ANTXR2: variants seen among roughly 807,000 people sequenced by gnomAD.
The protein encoded by ANTXR2 is anthrax toxin receptor 2.
In ANTXR2, 44 loss-of-function variants were observed where a neutral mutation model predicts 73.7. The ratio of observed to expected loss-of-function variants is 0.60; its 90% CI spans 0.47 to 0.77. The LOEUF is 0.77. ANTXR2 is among the 30% of genes least tolerant of loss of function. The probability of loss-of-function intolerance (pLI) is 0.00; values close to 1 mark genes in which losing one functional copy is unlikely to be tolerated. For synonymous variants in ANTXR2, 217 were observed against 205.9 expected, an observed-to-expected ratio of 1.05 and a Z score of -0.46; for missense variants, 604 against 592.5, an observed-to-expected ratio of 1.02 and a Z score of -0.20.
At chr4:79,917,659 T>C (rs1303518790) in intron 16 of ANTXR2, among the ~76,000 whole-genome samples, 2 of 152,220 alleles carry the variant, frequency 1.3e-5, no homozygotes, top group East Asian at 3.9e-4. Context: ...CTCAAATTCA[T>C]GAAAGCTACT....
chr4:80,029,453 T>G (rs952577514), intron 10 of ANTXR2, among the ~76,000 whole-genome samples: 1 of 152,084 alleles, frequency 6.6e-6, no homozygotes, highest in African/African-American at 2.4e-5. Context: ...CAGATCGTTA[T>G]GTTAACTGGT....
Position 79,905,886 on chromosome 4 carries a change from A to G in ANTXR2, c.*1543T>C, listed in dbSNP as rs1726885460. ...TGAAATGTTCGCCTTCTCCCTTCCA[A>G]TGTGATGGTTGTTGAACTTATTTTT... On this transcript the variant is annotated 3_prime_UTR_variant, in exon 17 of 17. Coordinates refer to ENST00000403729, the MANE Select transcript of ANTXR2 (RefSeq NM_058172.6). 1 of 152,394 alleles carries G rather than the reference A, an allele frequency of 6.6e-6. No homozygotes were observed. The highest frequency in any genetic ancestry group is 2.1e-4 in the South Asian group (1 of 4,810). The allele number at this position is 152,394 out of a possible 1,614,324, so 9.4% of individuals were successfully genotyped here.
intron 12 of ANTXR2, among the ~76,000 whole-genome samples, chr4:80,005,676 T>G (rs575237219): frequency 8.9e-4 from 136 of 152,256 alleles, no homozygotes; most frequent in South Asian, 8.9e-3. Context: ...GTCTATACTT[T>G]GTTAGAAGTA....
Position 80,035,976 on chromosome 4 carries a change from C to G in ANTXR2, c.693G>C (p.Val231=). 6.5e-7 allele frequency: 1 copy of G among 1,543,142 alleles called. No homozygotes were observed. The highest frequency in any genetic ancestry group is 1.3e-5 in the South Asian group (1 of 79,708). ...ILELQPSSVC[V]GEEFQIVLSG... Reference sequence around the variant, plus strand: ...TTTTAAATTCTAAACACTTACCCCCCACACAGACACTTGAGGGCTGCAATT... The same window carrying G: ...TTTTAAATTCTAAACACTTACCCCCGACACAGACACTTGAGGGCTGCAATT... Residue 231 remains valine (V), a synonymous_variant, in exon 8 of 17, where the codon GTG becomes GTC. Coordinates refer to ENST00000403729, the MANE Select transcript of ANTXR2 (RefSeq NM_058172.6).
chr4:79,998,230 A>T (rs1730824571), intron 12 of ANTXR2, among the ~76,000 whole-genome samples: 1 of 151,980 alleles, frequency 6.6e-6, no homozygotes, highest in Non-Finnish European at 1.5e-5. Flanking sequence ...CATAAAAAAG[A>T]CCATTTGTAA....
intron 16 of ANTXR2, among the ~76,000 whole-genome samples, chr4:79,955,507 T>G (rs1728854948): frequency 6.6e-6 from 1 of 152,144 alleles, no homozygotes; most frequent in Non-Finnish European, 1.5e-5. Flanking sequence ...AACAATAAGT[T>G]AGAATTTCCA....
chr4:79,973,105 AGAG>A (rs1242892469), intron 16 of ANTXR2, among the ~76,000 whole-genome samples: 1 of 151,030 alleles, frequency 6.6e-6, no homozygotes, highest in Non-Finnish European at 1.5e-5. Context: ...AGGAAGGAAA[AGAG>A]GGAGGGAAAG....
chr4:79,935,069 T>A (rs1435887249), intron 16 of ANTXR2, among the ~76,000 whole-genome samples: 2 of 151,904 alleles, frequency 1.3e-5, no homozygotes, highest in Non-Finnish European at 2.9e-5. Flanking sequence ...GTTGTGCCCA[T>A]GTACCCTAAA....
At chr4:79,917,791 T>C (rs1727415369) in intron 16 of ANTXR2, among the ~76,000 whole-genome samples, 1 of 151,944 alleles carries the variant, frequency 6.6e-6, no homozygotes, top group South Asian at 2.1e-4. Context: ...ATTCCCAATA[T>C]CTAGTATAAA....
At chr4:80,037,599 C>T (rs552356045) in intron 7 of ANTXR2, among the ~76,000 whole-genome samples, 29 of 152,234 alleles carry the variant, frequency 1.9e-4, no homozygotes, top group Middle Eastern at 3.4e-3. Flanking sequence ...AATACCTCCT[C>T]TTGGTCTGCT....
intron 14 of ANTXR2, among the ~76,000 whole-genome samples, 161 bp downstream of exon 14, chr4:79,983,717 A>C (rs1729983884): frequency 6.6e-6 from 1 of 152,104 alleles, no homozygotes; most frequent in African/African-American, 2.4e-5. Flanking sequence ...AGCGGCTAGG[A>C]TGATTCCATA....
chr4:80,027,604 C>A (rs1390029183), intron 10 of ANTXR2, among the ~76,000 whole-genome samples: 1 of 152,114 alleles, frequency 6.6e-6, no homozygotes, highest in African/African-American at 2.4e-5. Flanking sequence ...AAGATTCTGG[C>A]CAATGTTTTT....
chr4:80,021,710 C>T lies in ANTXR2; in HGVS notation c.867-2734G>A, dbSNP rs574054685. Among the ~76,000 whole-genome samples the T allele has an allele frequency of 1.6e-3, 241 of 151,840 alleles. 1 individual carries two copies. Among genetic ancestry groups the T allele is most frequent in the African/African-American group, 5.6e-3 (232 of 41,420 alleles). On this transcript the variant is annotated intron_variant, in intron 10 of 16. Transcript: ENST00000403729. The stretch of plus-strand genomic sequence containing the variant: ...ATGCATGCTGATATGATCTTGTAAC[C>T]GACAAAAATAACTGCATTCTCCGAA...
intron 12 of ANTXR2, among the ~76,000 whole-genome samples, chr4:80,007,835 C>T (rs532706080): frequency 2.0e-4 from 30 of 152,262 alleles, no homozygotes; most frequent in African/African-American, 6.0e-4. Context: ...TTTTAGTCCA[C>T]GTAAACCCAG....
At chr4:80,040,117 TA>T (rs2110091482) in intron 7 of ANTXR2, among the ~76,000 whole-genome samples, 2 of 150,542 alleles carry the variant, frequency 1.3e-5, no homozygotes, top group Admixed American at 1.3e-4. Context: ...GACTACTAGA[TA>T]GGGGAGGAAG....
intron 7 of ANTXR2, among the ~76,000 whole-genome samples, chr4:80,037,828 T>TTATA (rs929400812): frequency 6.6e-6 from 1 of 152,094 alleles, no homozygotes; most frequent in Non-Finnish European, 1.5e-5. Flanking sequence ...AAAATGGACA[T>TTATA]TATAGCTATA....
At chr4:79,958,762 A>G (rs965228277) in intron 16 of ANTXR2, among the ~76,000 whole-genome samples, 1 of 152,170 alleles carries the variant, frequency 6.6e-6, no homozygotes, top group African/African-American at 2.4e-5. Flanking sequence ...GATTCGGAGG[A>G]CAGTTAAAAC....
chr4:79,964,129 G>T (rs893461596), intron 16 of ANTXR2, among the ~76,000 whole-genome samples: 2 of 152,188 alleles, frequency 1.3e-5, no homozygotes, highest in Admixed American at 6.5e-5. Context: ...TTCAACCGCT[G>T]TATACACACT....
chr4:80,027,324 T>G (rs866762391), intron 10 of ANTXR2, among the ~76,000 whole-genome samples: 1 of 152,192 alleles, frequency 6.6e-6, no homozygotes, highest in Middle Eastern at 3.4e-3. Context: ...ATTAATCAAT[T>G]TTATTCCAGG....
Sources: gnomAD v4.1 joint callset for allele counts (sites outside exome capture counted in the v4.1 genomes callset) on GRCh38, gnomAD v4.1.1 for gene constraint, MANE v1.5 for transcripts, NCBI Gene and HGNC (gene_info 2026-07-23, HGNC 2026-07-21) for gene names.